Variants in NAA35 observed in about 807,000 individuals in gnomAD.
The protein encoded by NAA35 is MAK10 homolog, amino-acid N-acetyltransferase subunit.
A neutral mutation model predicts 101.7 loss-of-function variants in NAA35; 18 were observed. The ratio of observed to expected loss-of-function variants is 0.18; its 90% CI spans 0.12 to 0.26. NAA35 has a LOEUF of 0.26. Ranked by LOEUF, NAA35 falls within the 10% of genes least tolerant of loss-of-function variation. NAA35 has a pLI of 1.00. For missense variants in NAA35, 601 were observed against 886.8 expected (o/e 0.68, Z 4.09); for synonymous variants, 267 against 273.1 (o/e 0.98, Z 0.22).
chr9:85,949,429 G>A (rs917718161), intron 2 of NAA35, among the ~76,000 whole-genome samples: 3 of 151,858 alleles, frequency 2.0e-5, no homozygotes, highest in Non-Finnish European at 4.4e-5. Flanking sequence ...CGAGTAGCTG[G>A]GACTACAGGT....
chr9:86,017,786 C>A (rs1014147975), intron 19 of NAA35, among the ~76,000 whole-genome samples: 1 of 152,138 alleles, frequency 6.6e-6, no homozygotes, highest in Admixed American at 6.5e-5. Context: ...GCAGGAGATA[C>A]CAATTCTATA....
chr9:85,958,194 G>A (rs1015741302), intron 3 of NAA35, among the ~76,000 whole-genome samples: 9 of 152,122 alleles, frequency 5.9e-5, no homozygotes, highest in African/African-American at 2.2e-4. Context: ...ACCCGCCTCA[G>A]CCTCCCAAAG....
intron 11 of NAA35, among the ~76,000 whole-genome samples, chr9:85,981,251 T>A (rs1401038811): frequency 6.6e-6 from 1 of 152,176 alleles, no homozygotes; most frequent in African/African-American, 2.4e-5. Context: ...TAGTAGTACA[T>A]GTTTACAGAG....
At chr9:86,012,809 A>G (rs1299931535) in intron 15 of NAA35, among the ~76,000 whole-genome samples, 1 of 152,196 alleles carries the variant, frequency 6.6e-6, no homozygotes, top group East Asian at 1.9e-4. Context: ...GAAGGAAGCT[A>G]TTTTTATCAT....
At chr9:85,964,732 G>C (rs1353076524) in intron 6 of NAA35, among the ~76,000 whole-genome samples, 5 of 152,134 alleles carry the variant, frequency 3.3e-5, no homozygotes. Context: ...GTGCAATCTT[G>C]GCTGGAATAT....
At chr9:86,021,806 G>T in intron 22 of NAA35, 95 bp from the exon 23 acceptor site, 1 of 1,046,812 alleles carries the variant, frequency 9.6e-7, no homozygotes. Flanking sequence ...TTGTTTCTAA[G>T]AACACAAGAA....
chr9:85,978,797 T>C (rs2118071928), intron 11 of NAA35, among the ~76,000 whole-genome samples: 1 of 152,198 alleles, frequency 6.6e-6, no homozygotes, highest in Non-Finnish European at 1.5e-5. Context: ...AAGAATAGTT[T>C]GGCGGGCAGT....
chr9:85,955,360 A>ATTT (rs61549690), intron 2 of NAA35, among the ~76,000 whole-genome samples: 30 of 53,936 alleles, frequency 5.6e-4, no homozygotes, highest in East Asian at 3.8e-3. Context: ...ATATATATAT[A>ATTT]TTTTTTTTTT....
intron 2 of NAA35, among the ~76,000 whole-genome samples, chr9:85,951,563 G>C (rs947189167): frequency 2.0e-5 from 3 of 152,144 alleles, no homozygotes; most frequent in Non-Finnish European, 4.4e-5. Flanking sequence ...ACTTTGAATG[G>C]CTCTTTAATC....
intron 2 of NAA35, among the ~76,000 whole-genome samples, chr9:85,949,907 G>C (rs965016654): frequency 6.6e-6 from 1 of 151,986 alleles, no homozygotes; most frequent in African/African-American, 2.4e-5. Context: ...AGGATATGCA[G>C]AGTTGAAACA....
chr9:85,966,466 G>A (rs1829746791), intron 6 of NAA35: 1 of 283,956 alleles, frequency 3.5e-6, no homozygotes, highest in Non-Finnish European at 7.0e-6. Context: ...TTTTATGAAG[G>A]AAGGTTATCG....
In NAA35 at chr9:86,024,129, C is replaced by T. The variant is rs574789221; in HGVS notation, c.*2169C>T. On this transcript the variant is annotated 3_prime_UTR_variant, in exon 23 of 23. Transcript: ENST00000361671. Reference sequence around the variant, plus strand: ...CTGTCATAGAGCTTTTATCATCTTACGACAAATACAGAAAAGCAACAGGTA... The same window carrying T: ...CTGTCATAGAGCTTTTATCATCTTATGACAAATACAGAAAAGCAACAGGTA... Among the ~76,000 whole-genome samples the T allele has an allele frequency of 2.6e-5, 4 of 152,294 alleles. No homozygotes were observed. Among genetic ancestry groups the T allele is most frequent in the Admixed American group, 6.5e-5 (1 of 15,292 alleles).
intron 13 of NAA35, among the ~76,000 whole-genome samples, chr9:86,005,065 G>C (rs753322990): frequency 1.6e-4 from 24 of 152,074 alleles, no homozygotes; most frequent in Middle Eastern, 3.4e-3. Flanking sequence ...CACAAACACA[G>C]ATGTAAAAAT....
intron 2 of NAA35, among the ~76,000 whole-genome samples, chr9:85,947,796 C>T (rs1402942156): frequency 6.6e-6 from 1 of 151,228 alleles, no homozygotes; most frequent in Non-Finnish European, 1.5e-5. Flanking sequence ...CAAGAAGGTT[C>T]AGCTATCACT....
At chr9:85,987,976 C>G (rs1554774330) in intron 11 of NAA35, among the ~76,000 whole-genome samples, 1 of 152,226 alleles carries the variant, frequency 6.6e-6, no homozygotes, top group Non-Finnish European at 1.5e-5. Context: ...AGGTGGGGCT[C>G]TGCCAGAAAA....
intron 2 of NAA35, among the ~76,000 whole-genome samples, chr9:85,950,865 G>A (rs866854772): frequency 6.6e-6 from 1 of 151,974 alleles, no homozygotes; most frequent in Non-Finnish European, 1.5e-5. Flanking sequence ...GGCCGGGCAC[G>A]GTGGCTCACG....
chr9:85,989,908 A>G (rs546295634), intron 11 of NAA35, among the ~76,000 whole-genome samples: 2 of 152,356 alleles, frequency 1.3e-5, no homozygotes, highest in South Asian at 2.1e-4. Flanking sequence ...CATCTGTAAT[A>G]TAAAGATAGG....
intron 5 of NAA35, among the ~76,000 whole-genome samples, chr9:85,961,378 A>T (rs2117883169): frequency 6.6e-6 from 1 of 152,334 alleles, no homozygotes; most frequent in East Asian, 1.9e-4. Context: ...GTGCTAGGAA[A>T]AAAATGAGAT....
In NAA35 at chr9:86,018,830, G is replaced by A; in HGVS notation, c.2037+9G>A. The stretch of plus-strand genomic sequence containing the variant: ...CTAACCCGGACCATGAGGTGAGACT[G>A]GATTCACAGTAATTCTAGGGGAAAA... On this transcript the variant is annotated intron_variant, in intron 21 of 22. Transcript: ENST00000361671. 2 of 1,609,738 alleles carry A rather than the reference G, an allele frequency of 1.2e-6. No individual in the cohort carries two copies. The highest frequency in any genetic ancestry group is 1.7e-6 in the Non-Finnish European group (2 of 1,178,914).
Sources: gnomAD v4.1 joint callset for allele counts (sites outside exome capture counted in the v4.1 genomes callset) on GRCh38, gnomAD v4.1.1 for gene constraint, MANE v1.5 for transcripts, NCBI Gene and HGNC (gene_info 2026-07-23, HGNC 2026-07-21) for gene names.